KCNH1: variants seen among roughly 807,000 people sequenced by gnomAD.
KCNH1 encodes the protein voltage-gated delayed rectifier potassium channel KCNH1.
Under a neutral mutation model 69.2 loss-of-function variants are expected in KCNH1, and 27 were observed. The ratio of observed to expected loss-of-function variants is 0.39; its 90% CI spans 0.29 to 0.54. KCNH1 has a LOEUF of 0.54. KCNH1 is among the 20% of genes least tolerant of loss of function. The pLI is 0.68. For missense variants in KCNH1, 798 were observed against 1,261.6 expected (o/e 0.63, Z 5.57); for synonymous variants, 456 against 487.7 (o/e 0.93, Z 0.86).
intron 10 of KCNH1, among the ~76,000 whole-genome samples, chr1:210,738,527 C>T (rs1389734331): frequency 6.9e-6 from 1 of 145,540 alleles, no homozygotes. Flanking sequence ...AACATTGAAC[C>T]TGTATTCCTG....
chr1:210,858,943 C>G (rs1228174620), intron 7 of KCNH1: 3 of 401,804 alleles, frequency 7.5e-6, no homozygotes, highest in Non-Finnish European at 1.3e-5. Context: ...GAAAATACAC[C>G]CCCTAAGGTA....
chr1:211,021,986 A>G (rs952793999), intron 5 of KCNH1, among the ~76,000 whole-genome samples: 1 of 152,184 alleles, frequency 6.6e-6, no homozygotes, highest in Non-Finnish European at 1.5e-5. Flanking sequence ...CCTAAAATTT[A>G]TATGGAATCA....
intron 9 of KCNH1, among the ~76,000 whole-genome samples, chr1:210,787,226 C>T (rs1401957300): frequency 6.6e-6 from 1 of 151,794 alleles, no homozygotes; most frequent in Non-Finnish European, 1.5e-5. Flanking sequence ...TCCTGGAACA[C>T]TTACTCTCTA....
intron 7 of KCNH1, chr1:210,861,742 T>A (rs1387723527): frequency 1.3e-6 from 1 of 774,346 alleles, no homozygotes; most frequent in African/African-American, 1.7e-5. Flanking sequence ...GATAAAATGA[T>A]CCTTTAGAAC....
chr1:211,063,436 G>C (rs1690469624), intron 5 of KCNH1: 3 of 151,902 alleles, frequency 2.0e-5, no homozygotes, highest in Non-Finnish European at 2.9e-5. Context: ...AGAGGAAAGG[G>C]GGCGATAAAG....
At chr1:210,793,464 A>G (rs1325938986) in intron 9 of KCNH1, among the ~76,000 whole-genome samples, 3 of 152,276 alleles carry the variant, frequency 2.0e-5, no homozygotes, top group African/African-American at 7.2e-5. Context: ...TATACATTTC[A>G]TATGGCAGGT....
chr1:211,081,403 A>G (rs1398208494), intron 5 of KCNH1, among the ~76,000 whole-genome samples: 1 of 152,254 alleles, frequency 6.6e-6, no homozygotes, highest in Non-Finnish European at 1.5e-5. Flanking sequence ...TGTGGAAGAC[A>G]GTGTGGTGAT....
intron 7 of KCNH1, chr1:210,859,170 TAACTC>T (rs1391500551): frequency 6.5e-7 from 1 of 1,531,564 alleles, no homozygotes; most frequent in African/African-American, 1.4e-5. Flanking sequence ...AAGAAAGAGA[TAACTC>T]AATTCATCCC....
chr1:211,035,992 G>A (rs748920193), intron 5 of KCNH1, among the ~76,000 whole-genome samples: 56 of 152,212 alleles, frequency 3.7e-4, no homozygotes, highest in South Asian at 2.1e-4. Context: ...CAGGCGCTTG[G>A]TCTAGGTTCC....
intron 7 of KCNH1, among the ~76,000 whole-genome samples, chr1:210,896,397 T>A (rs1258506917): frequency 1.3e-5 from 2 of 152,058 alleles, no homozygotes; most frequent in Non-Finnish European, 2.9e-5. Flanking sequence ...CCTAAAACCA[T>A]CTAAGCAGTT....
At chr1:210,956,497 C>T (rs1393236554) in intron 6 of KCNH1, among the ~76,000 whole-genome samples, 2 of 148,798 alleles carry the variant, frequency 1.3e-5, no homozygotes, top group African/African-American at 2.5e-5. Flanking sequence ...CTCTTTGTAC[C>T]TCTGGTAGAA....
intron 7 of KCNH1, among the ~76,000 whole-genome samples, chr1:210,870,051 C>A (rs1686206700): frequency 1.3e-5 from 2 of 152,054 alleles, no homozygotes; most frequent in South Asian, 4.1e-4. Flanking sequence ...GTATTGTGGT[C>A]CAGAAAGTAT....
chr1:210,974,688 C>G (rs1437695974), intron 6 of KCNH1, among the ~76,000 whole-genome samples: 2 of 151,572 alleles, frequency 1.3e-5, no homozygotes, highest in Non-Finnish European at 2.9e-5. Flanking sequence ...CTCAGCCTCC[C>G]AAGTAGCTGG....
intron 6 of KCNH1, among the ~76,000 whole-genome samples, chr1:210,973,834 A>G (rs1428436649): frequency 6.6e-6 from 1 of 152,204 alleles, no homozygotes; most frequent in African/African-American, 2.4e-5. Flanking sequence ...ACAGTGTTAC[A>G]TATTTAAAGA....
At chr1:210,833,338 A>G (rs1685204689) in intron 7 of KCNH1, among the ~76,000 whole-genome samples, 1 of 152,196 alleles carries the variant, frequency 6.6e-6, no homozygotes, top group African/African-American at 2.4e-5. Flanking sequence ...AAACAGAGAT[A>G]TGGATCAATG....
chr1:210,696,602 A>G lies in KCNH1; in HGVS notation c.2113-12464T>C, dbSNP rs370262361. ...AAGAAACTAGTAGCATGAGAAGGAA[A>G]GACACTTGAACTCCCACCTGGTAAC... On this transcript the variant is annotated intron_variant, in intron 10 of 10. Coordinates refer to ENST00000271751, the MANE Select transcript of KCNH1 (RefSeq NM_172362.3). Among the ~76,000 whole-genome samples, 8 of 152,140 alleles carry G rather than the reference A, an allele frequency of 5.3e-5. No homozygotes were observed. In the East Asian group the frequency reaches 9.6e-4, roughly 18 times the overall value.
intron 6 of KCNH1, among the ~76,000 whole-genome samples, chr1:210,989,411 C>T (rs374233702): frequency 6.6e-5 from 10 of 152,164 alleles, no homozygotes; most frequent in East Asian, 1.9e-4. Flanking sequence ...CTGGGATATA[C>T]GCAAACCAGT....
At chr1:211,048,165 T>G (rs1690127876) in intron 5 of KCNH1, among the ~76,000 whole-genome samples, 1 of 152,074 alleles carries the variant, frequency 6.6e-6, no homozygotes, top group Non-Finnish European at 1.5e-5. Context: ...TGCCCGTAAT[T>G]TAAAAATTAA....
intron 7 of KCNH1, chr1:210,860,995 T>A: frequency 9.4e-7 from 1 of 1,060,792 alleles, no homozygotes; most frequent in South Asian, 1.3e-5. Flanking sequence ...CTCCATCTTT[T>A]TTTCAAAGGT....
Sources: gnomAD v4.1 joint callset for allele counts (sites outside exome capture counted in the v4.1 genomes callset) on GRCh38, gnomAD v4.1.1 for gene constraint, MANE v1.5 for transcripts, NCBI Gene and HGNC (gene_info 2026-07-23, HGNC 2026-07-21) for gene names.